Variants in SACS observed in about 807,000 individuals in gnomAD.
SACS encodes sacsin.
A neutral mutation model predicts 348.0 loss-of-function variants in SACS; 197 were observed. That is an observed-to-expected ratio of 0.57 (90% CI 0.50 to 0.64). The LOEUF (loss-of-function observed/expected upper bound fraction) is 0.64. Among genes scored for constraint, SACS ranks in the 30% least tolerant of loss-of-function variants. SACS has a pLI of 0.00. For missense variants in SACS, 4,999 were observed against 5,360.8 expected, an observed-to-expected ratio of 0.93 and a Z score of 2.11; for synonymous variants, 1,985 against 1,910.6, an observed-to-expected ratio of 1.04 and a Z score of -1.02.
chr13:23,430,754 T>G (rs555288727), intron 1 of SACS, among the ~76,000 whole-genome samples: 1 of 152,238 alleles, frequency 6.6e-6, no homozygotes, highest in Non-Finnish European at 1.5e-5. Flanking sequence ...TGTAGAGCCC[T>G]TATTTTCTGC....
At position 23,331,930 on chromosome 13, in the gene SACS, T is replaced by C. The variant is rs1394886819; in HGVS notation, c.11946A>G (p.Leu3982=). 2 of 1,614,110 alleles carry C rather than the reference T, an allele frequency of 1.2e-6. No individual in the cohort carries two copies. Among genetic ancestry groups the C allele is most frequent in the East Asian group, 4.5e-5 (2 of 44,884 alleles). Reference sequence around the variant, plus strand: ...GACAAACTTTGGGAGTCTCTTCATCTAATTGTTCTTCAAGTATACTGCTCA... The same window carrying C: ...GACAAACTTTGGGAGTCTCTTCATCCAATTGTTCTTCAAGTATACTGCTCA... ...RLLSSILEEQ[L]DEETPKVCQF... The change falls in exon 10 of 10, where the codon TTA becomes TTG. Residue 3982 remains leucine, a synonymous_variant. Transcript: ENST00000382292.
At chr13:23,345,932 T>C (rs913646424) in intron 9 of SACS, among the ~76,000 whole-genome samples, 23 of 151,916 alleles carry the variant, frequency 1.5e-4, no homozygotes, top group Admixed American at 5.9e-4. Context: ...GTCAGTAAAA[T>C]GACACACGAG....
rs781668661 is a variant in SACS at position 23,336,841 on chromosome 13, G to A, written c.7035C>T (p.Ser2345=). The change falls in exon 10 of 10, where the codon AGC becomes AGT. Residue 2345 remains serine (S), a synonymous_variant. Transcript: ENST00000382292. The stretch of plus-strand genomic sequence containing the variant: ...CATATGCATTCTCAACTAGAATGAA[G>A]CTAAAGGGTTTTAACTTATCAATAA... ...MSIIDKLKPF[S]FILVENAYVD... is the part of the protein sequence containing the mutation. 1 of 1,613,548 alleles carries A rather than the reference G, an allele frequency of 6.2e-7. No homozygotes were observed. Among genetic ancestry groups the A allele is most frequent in the Non-Finnish European group, 8.5e-7 (1 of 1,179,644 alleles).
At chr13:23,341,946 C>T (rs1005645126) in intron 9 of SACS, among the ~76,000 whole-genome samples, 24 of 151,920 alleles carry the variant, frequency 1.6e-4, no homozygotes, top group Non-Finnish European at 3.2e-4. Flanking sequence ...GCCACCACAC[C>T]CAGTTAATTT....
intron 6 of SACS, among the ~76,000 whole-genome samples, chr13:23,363,739 A>C (rs1176764344): frequency 6.6e-6 from 1 of 152,204 alleles, no homozygotes; most frequent in African/African-American, 2.4e-5. Context: ...ACATTATCAC[A>C]TATATTATCT....
intron 9 of SACS, among the ~76,000 whole-genome samples, chr13:23,347,430 G>A (rs1869679904): frequency 6.6e-6 from 1 of 152,058 alleles, no homozygotes; most frequent in African/African-American, 2.4e-5. Context: ...GACTGCTACA[G>A]TTCTGTGAGA....
chr13:23,387,467 A>AC (rs202229660), intron 2 of SACS, among the ~76,000 whole-genome samples: 1 of 149,334 alleles, frequency 6.7e-6, no homozygotes, highest in Non-Finnish European at 1.5e-5. Context: ...GTCTCAGAAA[A>AC]AAAAAAAAAA....
In SACS at chr13:23,391,114, T is replaced by C. The variant is rs140606008; in HGVS notation, c.21-15845A>G. ...AAGGAAAAAGGTCAATATAAACTCA[T>C]GTGGCGGAATTTCAATCATTGTGGA... On this transcript the variant is annotated intron_variant, in intron 2 of 9. Transcript: ENST00000382292. 7.9e-3 allele frequency among the ~76,000 whole-genome samples: 1,197 copies of C among 152,346 alleles called. 19 individuals carry two copies. The highest frequency in any genetic ancestry group is 0.028 in the African/African-American group (1,148 of 41,578).
At chr13:23,402,732 C>T (rs1873032770) in intron 2 of SACS, among the ~76,000 whole-genome samples, 1 of 152,160 alleles carries the variant, frequency 6.6e-6, no homozygotes, top group African/African-American at 2.4e-5. Flanking sequence ...ATGGAGTTCC[C>T]AGCCTTCCAG....
intron 1 of SACS, among the ~76,000 whole-genome samples, chr13:23,419,646 G>A (rs994084017): frequency 6.6e-5 from 10 of 152,144 alleles, no homozygotes; most frequent in South Asian, 6.2e-4. Flanking sequence ...GAATCTGTGC[G>A]TCTTCTATGC....
At position 23,331,138 on chromosome 13, in the gene SACS, T is replaced by C. The variant is rs753573099; in HGVS notation, c.12738A>G (p.Ser4246=). 2 of 1,614,172 alleles carry C rather than the reference T, an allele frequency of 1.2e-6. No homozygotes were observed. Among genetic ancestry groups the C allele is most frequent in the Non-Finnish European group, 1.7e-6 (2 of 1,179,998 alleles). ...IVSSLDLYKF[S]RPEESSQSRD... ...TGCTTTGAGAGCTTTCCTCAGGTCT[T>C]GAAAACTTATACAGATCAAGAGAGC... is the stretch of plus-strand genomic sequence containing the variant. Residue 4246 remains serine (S), a synonymous_variant, in exon 10 of 10, where the codon TCA becomes TCG. Coordinates refer to ENST00000382292, the MANE Select transcript of SACS (RefSeq NM_014363.6).
intron 1 of SACS, chr13:23,428,875 T>C (rs1033980039): frequency 6.6e-6 from 1 of 152,202 alleles, no homozygotes; most frequent in African/African-American, 2.4e-5. Flanking sequence ...ATTTAGTCTC[T>C]TTAGCCAATT....
At position 23,356,031 on chromosome 13, in the gene SACS, G is replaced by A. The variant is rs369830656; in HGVS notation, c.605-24C>T. The A allele has an allele frequency of 5.4e-5, 86 of 1,589,704 alleles. No homozygotes were observed. In the African/African-American group the frequency reaches 1.1e-3, roughly 20 times the overall value. Reference sequence around the variant, plus strand: ...ATCTGTAAAGAAAAATTTAAGTCATGATCAACTCTGAAATTTTAGGGACAA... The same window carrying A: ...ATCTGTAAAGAAAAATTTAAGTCATAATCAACTCTGAAATTTTAGGGACAA... On this transcript the variant is annotated intron_variant, in intron 7 of 9. Transcript: ENST00000382292.
intron 2 of SACS, 130 bp from the exon 3 acceptor site, chr13:23,375,399 C>T: frequency 2.4e-6 from 3 of 1,233,418 alleles, no homozygotes; most frequent in Non-Finnish European, 3.0e-6. Flanking sequence ...CCGCCCCTGA[C>T]GCCGGCGCCC....
Position 23,331,520 on chromosome 13 carries a change from T to A in SACS, c.12356A>T (p.Tyr4119Phe), listed in dbSNP as rs1300751604. 6.2e-7 allele frequency: 1 copy of A among 1,613,826 alleles called. No homozygotes were observed. The highest frequency in any genetic ancestry group is 1.3e-5 in the African/African-American group (1 of 74,920). Residue 4119 changes from tyrosine (Y) to phenylalanine (F), a missense_variant, in exon 10 of 10, where the codon TAT (tyrosine) becomes TTT (phenylalanine). Tyr to Phe is a conservative substitution (Grantham distance 22). Coordinates refer to ENST00000382292, the MANE Select transcript of SACS (RefSeq NM_014363.6). Reference protein sequence around the residue: ...ATDNLISDTSYLIAMLGCNDI... With the variant: ...ATDNLISDTSFLIAMLGCNDI... ...ATTGCATCCTAGCATAGCAATTAAA[T>A]ATGAAGTGTCAGAAATCAAATTGTC... is the stretch of plus-strand genomic sequence containing the variant.
chr13:23,375,654 C>T (rs1871748489), intron 2 of SACS: 6 of 740,244 alleles, frequency 8.1e-6, no homozygotes, highest in Non-Finnish European at 9.9e-6. Context: ...CCGCCCCTCC[C>T]GCCAGGCCCC....
chr13:23,421,833 G>T (rs879907159), intron 1 of SACS, among the ~76,000 whole-genome samples: 6 of 152,106 alleles, frequency 3.9e-5, no homozygotes, highest in Admixed American at 6.5e-5. Context: ...TCTACCTGGG[G>T]CTTCCTGTCC....
intron 2 of SACS, among the ~76,000 whole-genome samples, chr13:23,382,245 C>G (rs1338939603): frequency 6.6e-6 from 1 of 151,402 alleles, no homozygotes; most frequent in African/African-American, 2.4e-5. Flanking sequence ...CCTCTGCCTC[C>G]CAGGCTCAAA....
At position 23,340,370 on chromosome 13, in the gene SACS, C is replaced by G. The variant is rs1443000762; in HGVS notation, c.3506G>C (p.Gly1169Ala). Residue 1169 changes from glycine to alanine, a missense_variant, in exon 10 of 10, where the codon GGC becomes GCC. By Grantham distance (60) the Gly-to-Ala change is moderately conservative. Transcript: ENST00000382292. ...GAGATCTCCTTTCCAGACCAAAGAG[C>G]CTGGATAATTTGGAGGCCTTTCCTT... ...ACKERPPNYP[G>A]SLVWKGDLCN... 26 of 1,613,888 alleles carry G rather than the reference C, an allele frequency of 1.6e-5. No homozygotes were observed. Among genetic ancestry groups the G allele is most frequent in the Non-Finnish European group, 2.1e-5 (25 of 1,179,994 alleles).
Sources: gnomAD v4.1 joint callset for allele counts (sites outside exome capture counted in the v4.1 genomes callset) on GRCh38, gnomAD v4.1.1 for gene constraint, MANE v1.5 for transcripts, NCBI Gene and HGNC (gene_info 2026-07-23, HGNC 2026-07-21) for gene names.